The following DCDC1 variants were observed in gnomAD, a reference collection of about 807,000 sequenced individuals.
The protein encoded by DCDC1 is doublecortin domain-containing protein 1.
In DCDC1, 200 loss-of-function variants were observed where a neutral mutation model predicts 178.3. The observed-to-expected ratio is 1.12, with a 90% CI of 1.00 to 1.26. DCDC1 has a LOEUF of 1.26. Among genes scored for constraint, DCDC1 ranks in the 50% most tolerant of loss-of-function variants. The pLI is 0.00. For missense variants in DCDC1, 1,983 were observed against 1,749.2 expected, an observed-to-expected ratio of 1.13 and a Z score of -2.38; for synonymous variants, 690 against 604.8, an observed-to-expected ratio of 1.14 and a Z score of -2.07.
intron 7 of DCDC1, 83 bp downstream of exon 7, chr11:31,290,564 A>G (rs896458947): frequency 4.4e-6 from 6 of 1,352,712 alleles, no homozygotes; most frequent in Non-Finnish European, 6.0e-6. Context: ...TGGCATCGAT[A>G]TTTAGAAGAA....
At chr11:31,142,725 C>G (rs922263018) in intron 9 of DCDC1, among the ~76,000 whole-genome samples, 2 of 151,956 alleles carry the variant, frequency 1.3e-5, no homozygotes. Flanking sequence ...TGTATTTGAT[C>G]TTAATAATTG....
chr11:31,212,486 A>G (rs1972680638), intron 9 of DCDC1, among the ~76,000 whole-genome samples: 1 of 152,206 alleles, frequency 6.6e-6, no homozygotes, highest in African/African-American at 2.4e-5. Flanking sequence ...ACAATTCAAT[A>G]AGAAAGATGA....
chr11:31,010,129 C>T (rs1952087025), intron 20 of DCDC1, among the ~76,000 whole-genome samples: 5 of 152,240 alleles, frequency 3.3e-5, no homozygotes, highest in South Asian at 2.1e-4. Context: ...GATTCAAATG[C>T]TAATCTCTTC....
intron 3 of DCDC1, among the ~76,000 whole-genome samples, chr11:31,312,410 A>T (rs1948825998): frequency 6.6e-6 from 1 of 152,172 alleles, no homozygotes; most frequent in African/African-American, 2.4e-5. Flanking sequence ...GATTAATTTT[A>T]TGTATCAACT....
At chr11:31,365,768 T>C (rs1951927785) in intron 1 of DCDC1, among the ~76,000 whole-genome samples, 1 of 152,184 alleles carries the variant, frequency 6.6e-6, no homozygotes, top group Non-Finnish European at 1.5e-5. Context: ...AAATATTTAA[T>C]ATACGCCTAC....
chr11:31,042,739 A>G (rs1954554407), intron 20 of DCDC1, among the ~76,000 whole-genome samples: 1 of 152,178 alleles, frequency 6.6e-6, no homozygotes. Flanking sequence ...TGTGCGGCTC[A>G]GTATCCTTCA....
intron 6 of DCDC1, 99 bp from the exon 7 acceptor site, chr11:31,290,951 G>A: frequency 1.9e-6 from 2 of 1,046,580 alleles, no homozygotes; most frequent in Non-Finnish European, 1.4e-6. Context: ...ATTATACACT[G>A]GCCAGTCTCC....
chr11:30,937,263 C>A (rs549418115), intron 21 of DCDC1, among the ~76,000 whole-genome samples: 8 of 152,234 alleles, frequency 5.3e-5, no homozygotes, highest in African/African-American at 1.9e-4. Flanking sequence ...AGTTCTGTAT[C>A]CCTTGGTTGG....
intron 9 of DCDC1, among the ~76,000 whole-genome samples, chr11:31,195,742 T>C (rs1970620741): frequency 6.6e-6 from 1 of 152,040 alleles, no homozygotes; most frequent in African/African-American, 2.4e-5. Flanking sequence ...ATTAGCTTCA[T>C]AAAAGCTGGG....
intron 20 of DCDC1, among the ~76,000 whole-genome samples, chr11:31,040,570 T>G (rs1030770073): frequency 2.0e-5 from 3 of 152,170 alleles, no homozygotes; most frequent in Non-Finnish European, 1.5e-5. Context: ...TGATTCTAAC[T>G]GATAGCCATA....
chr11:31,262,264 C>G (rs2956380), intron 8 of DCDC1, among the ~76,000 whole-genome samples: 1 of 124,302 alleles, frequency 8.0e-6, no homozygotes, highest in African/African-American at 3.3e-5. Context: ...AAGACCTTGT[C>G]TCAGGAAAAA....
At chr11:31,075,050 C>G (rs1239228276) in intron 18 of DCDC1, among the ~76,000 whole-genome samples, 1 of 152,074 alleles carries the variant, frequency 6.6e-6, no homozygotes, top group Non-Finnish European at 1.5e-5. Context: ...CATTATCCAT[C>G]CTCTCACCCT....
At chr11:31,284,645 CTT>C (rs879384797) in intron 7 of DCDC1, among the ~76,000 whole-genome samples, 3 of 144,684 alleles carry the variant, frequency 2.1e-5, no homozygotes, top group Non-Finnish European at 3.0e-5. Context: ...ATGTTTATGT[CTT>C]TTTTTTTTTT....
At chr11:31,015,545 T>C (rs537562277) in intron 20 of DCDC1, among the ~76,000 whole-genome samples, 2 of 152,316 alleles carry the variant, frequency 1.3e-5, no homozygotes, top group South Asian at 4.1e-4. Context: ...ATTTCTCTTA[T>C]AACATTTATG....
intron 22 of DCDC1, among the ~76,000 whole-genome samples, chr11:30,931,247 G>C (rs545482898): frequency 1.3e-5 from 2 of 152,094 alleles, no homozygotes; most frequent in South Asian, 4.2e-4. Flanking sequence ...CAATAATAAG[G>C]TAAGCTAAAG....
At chr11:30,868,096 T>C (rs1941168585) in intron 38 of DCDC1, among the ~76,000 whole-genome samples, 2 of 152,214 alleles carry the variant, frequency 1.3e-5, no homozygotes, top group East Asian at 1.9e-4. Flanking sequence ...GCCTTTGTCA[T>C]TGAAGAGAAA....
intron 26 of DCDC1, 118 bp downstream of exon 26, chr11:30,916,752 C>A: frequency 5.2e-6 from 6 of 1,151,132 alleles, no homozygotes; most frequent in Admixed American, 3.7e-5. Context: ...CAAAAATGTG[C>A]ATGTTGATAG....
intron 9 of DCDC1, among the ~76,000 whole-genome samples, chr11:31,208,083 C>T (rs909194433): frequency 6.6e-6 from 1 of 152,132 alleles, no homozygotes; most frequent in African/African-American, 2.4e-5. Flanking sequence ...CTTTATCTAT[C>T]CTCTCACCCT....
chr11:31,298,862 A>G (rs1364769093), intron 6 of DCDC1, among the ~76,000 whole-genome samples: 2 of 152,234 alleles, frequency 1.3e-5, no homozygotes, highest in African/African-American at 4.8e-5. Flanking sequence ...CAAACTTGCA[A>G]CTTCAAATCC....
Sources: gnomAD v4.1 joint callset for allele counts (sites outside exome capture counted in the v4.1 genomes callset) on GRCh38, gnomAD v4.1.1 for gene constraint, MANE v1.5 for transcripts, NCBI Gene and HGNC (gene_info 2026-07-23, HGNC 2026-07-21) for gene names.